VPS13B: variants seen among roughly 807,000 people sequenced by gnomAD.
VPS13B encodes intermembrane lipid transfer protein VPS13B.
Under a neutral mutation model 426.4 loss-of-function variants are expected in VPS13B, and 285 were observed. That is an observed-to-expected ratio of 0.67 (90% CI 0.61 to 0.74). The LOEUF is 0.74. VPS13B is among the 30% of genes least tolerant of loss of function. The pLI, the probability that VPS13B is intolerant of heterozygous loss-of-function variation, is 0.00. For missense variants in VPS13B, 4,537 were observed against 4,782.6 expected (o/e 0.95, Z 1.51); for synonymous variants, 1,676 against 1,676.4 (o/e 1.00, Z 0.01).
At chr8:99,864,951 G>A (rs923849226) in intron 58 of VPS13B, among the ~76,000 whole-genome samples, 9 of 152,298 alleles carry the variant, frequency 5.9e-5, no homozygotes, top group East Asian at 1.9e-4. Flanking sequence ...AAATGTTTAC[G>A]GGTTCGGCGG....
At chr8:99,299,423 G>T (rs78293438) in intron 19 of VPS13B, among the ~76,000 whole-genome samples, 1 of 152,060 alleles carries the variant, frequency 6.6e-6, no homozygotes, top group African/African-American at 2.4e-5. Flanking sequence ...CTTAAGTTTT[G>T]TAAGGCTTAA....
chr8:99,805,862 G>C (rs1047256040), intron 43 of VPS13B, among the ~76,000 whole-genome samples: 1 of 152,160 alleles, frequency 6.6e-6, no homozygotes, highest in Non-Finnish European at 1.5e-5. Flanking sequence ...GTAGACCAAA[G>C]AGACTGAAAA....
At chr8:99,565,304 A>G (rs1365371230) in intron 31 of VPS13B, among the ~76,000 whole-genome samples, 1 of 151,174 alleles carries the variant, frequency 6.6e-6, no homozygotes, top group Non-Finnish European at 1.5e-5. Flanking sequence ...TAGTTACAGC[A>G]TATTTGTTTG....
chr8:99,822,513 C>T lies in VPS13B; in HGVS notation c.9183+1031C>T, dbSNP rs1814431611. Reference sequence around the variant, plus strand: ...TTGAATAGTTGTAAGTTGAGAACTACCATCAAAACCTGGAAAAAATGTTAT... The same window carrying T: ...TTGAATAGTTGTAAGTTGAGAACTATCATCAAAACCTGGAAAAAATGTTAT... On this transcript the variant is annotated intron_variant, in intron 50 of 61. Coordinates refer to ENST00000357162, the MANE Select transcript of VPS13B (RefSeq NM_152564.5). Among the ~76,000 whole-genome samples the T allele has an allele frequency of 1.3e-5, 2 of 152,112 alleles. 1 individual carries two copies. The highest frequency in any genetic ancestry group is 4.1e-4 in the South Asian group (2 of 4,826).
chr8:99,131,321 G>A (rs375201918), intron 8 of VPS13B, among the ~76,000 whole-genome samples: 2 of 152,032 alleles, frequency 1.3e-5, no homozygotes, highest in South Asian at 4.1e-4. Context: ...TTTCTGTACC[G>A]TGATTCAAAC....
At chr8:99,701,016 CTT>C (rs1832255790) in intron 36 of VPS13B, among the ~76,000 whole-genome samples, 1 of 152,140 alleles carries the variant, frequency 6.6e-6, no homozygotes, top group Non-Finnish European at 1.5e-5. Flanking sequence ...CTTACTGTAA[CTT>C]AGTTCCACAT....
intron 3 of VPS13B, among the ~76,000 whole-genome samples, chr8:99,065,033 A>C (rs1844406521): frequency 6.6e-6 from 1 of 152,230 alleles, no homozygotes; most frequent in African/African-American, 2.4e-5. Flanking sequence ...AGGAGAAATA[A>C]AATACTTTAC....
At chr8:99,196,206 GT>G (rs141659614) in intron 17 of VPS13B, among the ~76,000 whole-genome samples, 2 of 149,844 alleles carry the variant, frequency 1.3e-5, no homozygotes, top group African/African-American at 2.5e-5. Flanking sequence ...ATTTATTTGT[GT>G]TTTTTTTTAG....
chr8:99,284,387 T>C (rs1340391492), intron 19 of VPS13B, among the ~76,000 whole-genome samples: 2 of 152,212 alleles, frequency 1.3e-5, no homozygotes, highest in African/African-American at 2.4e-5. Flanking sequence ...TGCGTAGAAC[T>C]ATAACGATGC....
intron 5 of VPS13B, among the ~76,000 whole-genome samples, chr8:99,106,449 A>C (rs1847052537): frequency 6.6e-6 from 1 of 150,742 alleles, no homozygotes; most frequent in Non-Finnish European, 1.5e-5. Flanking sequence ...AAAAAAAAAA[A>C]AAAAACCCAA....
intron 19 of VPS13B, among the ~76,000 whole-genome samples, chr8:99,289,592 A>G (rs1020586779): frequency 3.3e-5 from 5 of 152,134 alleles, no homozygotes; most frequent in South Asian, 2.1e-4. Flanking sequence ...CTATGTGGGC[A>G]TGAGAATTTC....
chr8:99,172,451 C>T (rs180986850), intron 16 of VPS13B, among the ~76,000 whole-genome samples: 4 of 152,074 alleles, frequency 2.6e-5, no homozygotes, highest in African/African-American at 9.7e-5. Context: ...ATGATATTGT[C>T]TCTTATAAAC....
chr8:99,300,497 G>A (rs1016149660), intron 19 of VPS13B, among the ~76,000 whole-genome samples: 26 of 152,178 alleles, frequency 1.7e-4, no homozygotes, highest in Admixed American at 5.2e-4. Context: ...CTCAACCAGC[G>A]AGTAGTAGCT....
At chr8:99,475,171 A>G (rs1819625776) in intron 24 of VPS13B, among the ~76,000 whole-genome samples, 1 of 152,254 alleles carries the variant, frequency 6.6e-6, no homozygotes, top group East Asian at 1.9e-4. Context: ...AGTGATAGAA[A>G]GTAGGTTACT....
chr8:99,030,401 C>G (rs1842455785), intron 2 of VPS13B, among the ~76,000 whole-genome samples: 1 of 151,834 alleles, frequency 6.6e-6, no homozygotes, highest in Admixed American at 6.6e-5. Context: ...CCTTCTGCTT[C>G]CCAAAGATGT....
chr8:99,063,984 A>T (rs1249498954), intron 3 of VPS13B, among the ~76,000 whole-genome samples: 1 of 152,322 alleles, frequency 6.6e-6, no homozygotes, highest in South Asian at 2.1e-4. Flanking sequence ...GCAAACTCCA[A>T]CAGACTTGCA....
rs1817550892 is a variant in VPS13B at position 99,439,093 on chromosome 8, A to T, written c.3211-3308A>T. ...TGTCAAATATCCCACAGCTGTGTTG[A>T]ATTCATCTCATTAACAAATCAGTTT... On this transcript the variant is annotated intron_variant, in intron 22 of 61. Transcript: ENST00000357162. Among the ~76,000 whole-genome samples, 3 of 152,248 alleles carry T rather than the reference A, an allele frequency of 2.0e-5. No homozygotes were observed. In the East Asian group the frequency reaches 5.8e-4, roughly 29 times the overall value.
chr8:99,046,154 A>G (rs1044168268), intron 3 of VPS13B, among the ~76,000 whole-genome samples: 1 of 152,112 alleles, frequency 6.6e-6, no homozygotes, highest in African/African-American at 2.4e-5. Context: ...CATTTTCACA[A>G]TATTGATTCT....
At chr8:99,014,118 T>C (rs540300620) in intron 2 of VPS13B, among the ~76,000 whole-genome samples, 183 bp downstream of exon 2, 1 of 125,482 alleles carries the variant, frequency 8.0e-6, no homozygotes, top group African/African-American at 3.1e-5. Context: ...TTCTTTTTTT[T>C]TTTTTTTTTT....
Sources: gnomAD v4.1 joint callset for allele counts (sites outside exome capture counted in the v4.1 genomes callset) on GRCh38, gnomAD v4.1.1 for gene constraint, MANE v1.5 for transcripts, NCBI Gene and HGNC (gene_info 2026-07-23, HGNC 2026-07-21) for gene names.